Variants in LRMDA observed in about 807,000 individuals in gnomAD.
LRMDA encodes leucine-rich melanocyte differentiation-associated protein.
In LRMDA, 18 loss-of-function variants were observed where a neutral mutation model predicts 29.8. The ratio of observed to expected loss-of-function variants is 0.60; its 90% CI spans 0.42 to 0.90. The LOEUF (loss-of-function observed/expected upper bound fraction) is 0.90. Ranked by LOEUF, LRMDA falls within the 40% of genes least tolerant of loss-of-function variation. The pLI is 0.00. For synonymous variants in LRMDA, 125 were observed against 109.4 expected (o/e 1.14, Z -0.89); for missense variants, 273 against 273.9 (o/e 1.00, Z 0.02).
At position 76,286,274 on chromosome 10, in the gene LRMDA, G is replaced by A. The variant is rs530989399; in HGVS notation, c.517-38127G>A. ...ATTTTAAAATGGGCAGTTTGTCACC[G>A]ATGCATTAAAGGGCTGTAAGGAGTG... On this transcript the variant is annotated intron_variant, in intron 5 of 6. Transcript: ENST00000611255. Among the ~76,000 whole-genome samples, 8 of 152,284 alleles carry A rather than the reference G, an allele frequency of 5.3e-5. 1 individual carries two copies. Among genetic ancestry groups the A allele is most frequent in the South Asian group, 4.1e-4 (2 of 4,826 alleles).
At chr10:75,796,418 T>G (rs543166365) in intron 2 of LRMDA, among the ~76,000 whole-genome samples, 5 of 152,324 alleles carry the variant, frequency 3.3e-5, no homozygotes, top group African/African-American at 1.2e-4. Context: ...CAGCCTCTAT[T>G]GATTATATGG....
intron 5 of LRMDA, among the ~76,000 whole-genome samples, chr10:76,309,468 G>A (rs1358390227): frequency 6.6e-6 from 1 of 152,096 alleles, no homozygotes; most frequent in Non-Finnish European, 1.5e-5. Flanking sequence ...CAGCCTTAGA[G>A]GAAATTAGTG....
chr10:75,923,580 G>A (rs1418939111), intron 2 of LRMDA, among the ~76,000 whole-genome samples: 1 of 152,140 alleles, frequency 6.6e-6, no homozygotes, highest in Non-Finnish European at 1.5e-5. Context: ...GCACCTAAGT[G>A]TTCCCCCTTT....
chr10:75,815,901 G>T (rs1055765477), intron 2 of LRMDA, among the ~76,000 whole-genome samples: 2 of 152,184 alleles, frequency 1.3e-5, no homozygotes, highest in Non-Finnish European at 2.9e-5. Context: ...TCACCATTTT[G>T]CAGGAGAAGT....
chr10:75,940,767 G>A (rs1846376449), intron 2 of LRMDA, among the ~76,000 whole-genome samples: 1 of 151,902 alleles, frequency 6.6e-6, no homozygotes, highest in Admixed American at 6.6e-5. Context: ...GGAAATTTAT[G>A]GGGTGTGTGT....
chr10:75,840,584 AG>A (rs1844522186), intron 2 of LRMDA, among the ~76,000 whole-genome samples: 1 of 152,294 alleles, frequency 6.6e-6, no homozygotes, highest in Admixed American at 6.5e-5. Context: ...TGTGCACACG[AG>A]TGAGCACGCA....
chr10:75,469,252 TGA>T (rs1844697106), intron 2 of LRMDA, among the ~76,000 whole-genome samples: 1 of 150,146 alleles, frequency 6.7e-6, no homozygotes, highest in African/African-American at 2.4e-5. Flanking sequence ...GCAGATCCTG[TGA>T]GAGGAAAATG....
chr10:75,874,696 C>T (rs148263810), intron 2 of LRMDA, among the ~76,000 whole-genome samples: 1 of 152,274 alleles, frequency 6.6e-6, no homozygotes, highest in Non-Finnish European at 1.5e-5. Flanking sequence ...ATGCTGTAAA[C>T]TGTTGGCAAC....
At position 76,502,219 on chromosome 10, in the gene LRMDA, G is replaced by A. The variant is rs528289682; in HGVS notation, c.602-54990G>A. Among the ~76,000 whole-genome samples, 3 of 151,976 alleles carry A rather than the reference G, an allele frequency of 2.0e-5. No individual in the cohort carries two copies. In the South Asian group the frequency reaches 6.2e-4, roughly 32 times the overall value. On this transcript the variant is annotated intron_variant, in intron 6 of 6. Transcript: ENST00000611255. ...TTTCTTTTCTCTTCCATTTGTCTAT[G>A]TGTATGTTTTCATACCAGTAGCAAG...
At chr10:76,287,974 G>A (rs532366889) in intron 5 of LRMDA, among the ~76,000 whole-genome samples, 5 of 152,218 alleles carry the variant, frequency 3.3e-5, no homozygotes, top group African/African-American at 7.2e-5. Flanking sequence ...CAGCTTCTTC[G>A]TTTAATTTCC....
chr10:76,446,772 C>T (rs1013590796), intron 6 of LRMDA, among the ~76,000 whole-genome samples: 15 of 152,180 alleles, frequency 9.9e-5, no homozygotes, highest in Non-Finnish European at 4.4e-5. Flanking sequence ...AAAACTTACA[C>T]CCACTTACTT....
chr10:75,590,021 T>G (rs1589195430), intron 2 of LRMDA, among the ~76,000 whole-genome samples: 1 of 24,598 alleles, frequency 4.1e-5, no homozygotes, highest in Admixed American at 8.4e-4. Flanking sequence ...AAGATGATGA[T>G]TTTTTTTTTT....
Position 75,789,577 on chromosome 10 carries a change from T to A in LRMDA, c.132-246431T>A, listed in dbSNP as rs548069289. Among the ~76,000 whole-genome samples, 15 of 152,322 alleles carry A rather than the reference T, an allele frequency of 9.8e-5. No individual in the cohort carries two copies. In the South Asian group the frequency reaches 3.1e-3, roughly 32 times the overall value. On this transcript the variant is annotated intron_variant, in intron 2 of 6. Coordinates refer to ENST00000611255, the MANE Select transcript of LRMDA (RefSeq NM_001305581.2). ...ACCAGGAATGTCTCTAATTCATAAG[T>A]GTATATTATAAATATATTTAAAATC...
At chr10:75,929,295 A>ATGTGAGTGTGTGTGTG (rs1554834928) in intron 2 of LRMDA, among the ~76,000 whole-genome samples, 2 of 151,004 alleles carry the variant, frequency 1.3e-5, no homozygotes, top group African/African-American at 4.9e-5. Flanking sequence ...TGCATGATCT[A>ATGTGAGTGTGTGTGTG]TGTGTGTGTG....
At chr10:76,150,703 A>C (rs1850424642) in intron 5 of LRMDA, among the ~76,000 whole-genome samples, 1 of 152,054 alleles carries the variant, frequency 6.6e-6, no homozygotes, top group African/African-American at 2.4e-5. Context: ...TTGTGTTTAA[A>C]TCCCCCCCAT....
chr10:76,288,008 A>G (rs1176876203), intron 5 of LRMDA, among the ~76,000 whole-genome samples: 2 of 152,228 alleles, frequency 1.3e-5, no homozygotes, highest in Non-Finnish European at 2.9e-5. Flanking sequence ...GAGTACTGTC[A>G]AAAACCAAAA....
intron 5 of LRMDA, among the ~76,000 whole-genome samples, chr10:76,169,000 A>G (rs1051794865): frequency 2.0e-5 from 3 of 152,204 alleles, no homozygotes; most frequent in African/African-American, 4.8e-5. Flanking sequence ...TGGGGAGAAA[A>G]GAAGGACATT....
At chr10:75,709,666 A>C (rs1329355652) in intron 2 of LRMDA, among the ~76,000 whole-genome samples, 1 of 152,150 alleles carries the variant, frequency 6.6e-6, no homozygotes. Flanking sequence ...TCTGTGGCTG[A>C]AATTCCAGCT....
intron 2 of LRMDA, among the ~76,000 whole-genome samples, chr10:75,467,566 G>A (rs1457256048): frequency 2.0e-5 from 3 of 152,136 alleles, no homozygotes; most frequent in Non-Finnish European, 4.4e-5. Context: ...GGGAAACAAA[G>A]GGTGTGGCCT....
Sources: allele counts gnomAD v4.1 joint callset (sites outside exome capture counted in the v4.1 genomes callset), GRCh38; gene constraint gnomAD v4.1.1; transcripts MANE v1.5; gene names NCBI Gene and HGNC (gene_info 2026-07-23, HGNC 2026-07-21).